The following DGCR8 variants were observed in gnomAD, a reference collection of about 807,000 sequenced individuals.
DGCR8 encodes the protein microprocessor complex subunit DGCR8.
Under a neutral mutation model 78.5 loss-of-function variants are expected in DGCR8, and 14 were observed. That is an observed-to-expected ratio of 0.18 (90% CI 0.12 to 0.28). The LOEUF is 0.28. Among genes scored for constraint, DGCR8 ranks in the 10% least tolerant of loss-of-function variants. The pLI, the probability that DGCR8 is intolerant of heterozygous loss-of-function variation, is 1.00. For synonymous variants in DGCR8, 399 were observed against 402.4 expected (o/e 0.99, Z 0.10); for missense variants, 702 against 1,022.5 (o/e 0.69, Z 4.28).
intron 3 of DGCR8, among the ~76,000 whole-genome samples, chr22:20,088,274 G>A (rs1225938578): frequency 1.3e-5 from 2 of 152,340 alleles, no homozygotes; most frequent in African/African-American, 4.8e-5. Flanking sequence ...AGCTTCTGGG[G>A]CTGGGGGCAG....
At chr22:20,093,902 T>C (rs1367651959) in intron 8 of DGCR8, among the ~76,000 whole-genome samples, 1 of 152,192 alleles carries the variant, frequency 6.6e-6, no homozygotes, top group African/African-American at 2.4e-5. Flanking sequence ...ACAGGTTGAT[T>C]CTCGAGGTAT....
chr22:20,085,318 C>G lies in DGCR8; in HGVS notation c.-277-369C>G, dbSNP rs2049468990. 6.6e-6 allele frequency among the ~76,000 whole-genome samples: 1 copy of G among 152,196 alleles called. No homozygotes were observed. On this transcript the variant is annotated intron_variant, in intron 1 of 13. Transcript: ENST00000351989. The surrounding 1 kb of genome is among the most constrained non-coding windows in gnomAD (Gnocchi z 6.2). ...TGGTGGCCTGAGGGAGGCCACGCGC[C>G]TTCTGTGTGTTCCAGAAAGGGTGCC...
chr22:20,087,007 T>G lies in DGCR8; in HGVS notation c.721-155T>G. 9.9e-7 allele frequency: 1 copy of G among 1,009,362 alleles called. No individual in the cohort carries two copies. The allele number at this position is 1,009,362 out of a possible 1,614,324, so 62.5% of individuals were successfully genotyped here. A position where few individuals can be genotyped will look rare whatever the true frequency, so the allele number is the denominator to read the frequency against. Reference sequence around the variant, plus strand: ...TTGGTGTCAGCTGGTAGCTTCATCCTGTTTGTTTTTCAGATGATCATGCAC... The same window carrying G: ...TTGGTGTCAGCTGGTAGCTTCATCCGGTTTGTTTTTCAGATGATCATGCAC... On this transcript the variant is annotated intron_variant, in intron 2 of 13. Transcript: ENST00000351989. This position sits in a 1 kb window ranked among gnomAD's most constrained non-coding sequence, Gnocchi z 4.1.
At chr22:20,083,291 G>C (rs534536016) in intron 1 of DGCR8, among the ~76,000 whole-genome samples, 13 of 151,488 alleles carry the variant, frequency 8.6e-5, no homozygotes, top group Admixed American at 7.3e-4. Context: ...AGTTGTTAGC[G>C]GTCCATCTCC....
chr22:20,094,224 A>T (rs2049600450), intron 8 of DGCR8, among the ~76,000 whole-genome samples: 1 of 152,148 alleles, frequency 6.6e-6, no homozygotes, highest in African/African-American at 2.4e-5. Context: ...GCCCTTGGCT[A>T]TGGCAACTCC....
At chr22:20,099,874 GTCC>G (rs1419264791) in intron 9 of DGCR8, among the ~76,000 whole-genome samples, 1 of 152,174 alleles carries the variant, frequency 6.6e-6, no homozygotes, top group Non-Finnish European at 1.5e-5. Flanking sequence ...GCTTCAAGCA[GTCC>G]TCCTGCCTCA....
intron 8 of DGCR8, among the ~76,000 whole-genome samples, chr22:20,093,848 C>T (rs2147925756): frequency 6.6e-6 from 1 of 152,336 alleles, no homozygotes; most frequent in Non-Finnish European, 1.5e-5. Context: ...GGTTAGTTGG[C>T]TTCTTGTAGG....
chr22:20,103,645 G>C (rs1248088746), intron 9 of DGCR8, among the ~76,000 whole-genome samples: 1 of 152,182 alleles, frequency 6.6e-6, no homozygotes, highest in Admixed American at 6.5e-5. Context: ...TAAGGTCATG[G>C]TACGGGTAGT....
intron 12 of DGCR8, 131 bp from the exon 13 acceptor site, chr22:20,108,759 C>A: frequency 1.5e-6 from 1 of 683,714 alleles, no homozygotes; most frequent in Admixed American, 1.9e-5. Context: ...TGCCACAGCT[C>A]CTGGCTGTTT....
chr22:20,093,992 G>T lies in DGCR8; in HGVS notation c.1706-721G>T, dbSNP rs546016626. ...AAGAGACTTTTGCAGCTCAACAAAGGGGGTGTGGTGGAGGTTTTGACAGAT... is the reference window on the plus strand; with the variant it reads ...AAGAGACTTTTGCAGCTCAACAAAGTGGGTGTGGTGGAGGTTTTGACAGAT... On this transcript the variant is annotated intron_variant, in intron 8 of 13. Transcript: ENST00000351989. 5.0e-4 allele frequency among the ~76,000 whole-genome samples: 76 copies of T among 152,300 alleles called. 1 individual carries two copies. The highest frequency in any genetic ancestry group is 2.1e-3 in the Admixed American group (32 of 15,304).
intron 10 of DGCR8, 132 bp from the exon 11 acceptor site, chr22:20,106,460 C>T (rs2049771068): frequency 1.2e-6 from 1 of 828,340 alleles, no homozygotes; most frequent in Non-Finnish European, 2.0e-6. Flanking sequence ...GTGGAGAATT[C>T]CCTCCTCTGG....
At chr22:20,101,687 G>C in intron 9 of DGCR8, 3 of 985,406 alleles carry the variant, frequency 3.0e-6, no homozygotes, top group Non-Finnish European at 3.6e-6. Flanking sequence ...GTTTAGACAG[G>C]GGTGGCCATC....
Position 20,080,380 on chromosome 22 carries a change from T to G in DGCR8, c.-281T>G. 1 of 954,588 alleles carries G rather than the reference T, an allele frequency of 1.0e-6. No individual in the cohort carries two copies. Among genetic ancestry groups the G allele is most frequent in the Non-Finnish European group, 1.2e-6 (1 of 818,328 alleles). 59.1% of individuals were successfully genotyped at this position (954,588 alleles called of 1,614,324 possible). A position where few individuals can be genotyped will look rare whatever the true frequency, so the allele number is the denominator to read the frequency against. On this transcript the variant is annotated 5_prime_UTR_variant, in exon 1 of 14. Transcript: ENST00000351989. The stretch of plus-strand genomic sequence containing the variant: ...GCGGCTTGGGCAGCCCGCGGGCGCC[T>G]CAGGTAGGTGCGGGGCGCGAGGGGC...
intron 11 of DGCR8, 160 bp from the exon 12 acceptor site, chr22:20,107,111 A>T: frequency 1.4e-6 from 1 of 735,520 alleles, no homozygotes. Context: ...GTACTGTGAG[A>T]CTCAGGTGCC....
chr22:20,086,505 A>G lies in DGCR8; in HGVS notation c.542A>G (p.Lys181Arg). ...GGCATAGGGGGTGAGAGTGCTGATA[A>G]GAAGGATGAGGAGAATGAGCTGGAT... ...GVGIGGESAD[K>R]KDEENELDQE... The change falls in exon 2 of 14, where the codon AAG becomes AGG. Residue 181 changes from lysine (K) to arginine (R), a missense_variant. Around this residue, in one of 4 missense-constraint regions of DGCR8, gnomAD observed 356 missense variants for 448.9 expected, o/e 0.79. Transcript: ENST00000351989. This position sits in a 1 kb window ranked among gnomAD's most constrained non-coding sequence, Gnocchi z 6.4. 1 of 1,614,080 alleles carries G rather than the reference A, an allele frequency of 6.2e-7. No homozygotes were observed. The highest frequency in any genetic ancestry group is 1.3e-5 in the African/African-American group (1 of 75,032).
Position 20,086,763 on chromosome 22 carries a change from C to G in DGCR8, c.720+80C>G. The G allele has an allele frequency of 7.3e-7, 1 of 1,361,232 alleles. No homozygotes were observed. The highest frequency in any genetic ancestry group is 9.8e-7 in the Non-Finnish European group (1 of 1,024,616). 84.3% of individuals were successfully genotyped at this position (1,361,232 alleles called of 1,614,324 possible). On this transcript the variant is annotated intron_variant, in intron 2 of 13. Transcript: ENST00000351989. The surrounding 1 kb of genome is among the most constrained non-coding windows in gnomAD (Gnocchi z 6.4). Reference sequence around the variant, plus strand: ...TGGGAATTGCAGCATCTTTTGAAAGCAGGGAAATTAAAAAAAAAAAAAACA... The same window carrying G: ...TGGGAATTGCAGCATCTTTTGAAAGGAGGGAAATTAAAAAAAAAAAAAACA...
In DGCR8 at chr22:20,101,332, T is replaced by C. The variant is rs1260772753; in HGVS notation, c.1789-4845T>C. On this transcript the variant is annotated intron_variant, in intron 9 of 13. Transcript: ENST00000351989. ...TGGCTCACGCCTGTAATCCCAGCAC[T>C]TTGGGAGGCCGAGGCGGGCAGATTA... is the stretch of plus-strand genomic sequence containing the variant. The C allele has an allele frequency of 4.2e-6, 4 of 962,870 alleles. No individual in the cohort carries two copies. In the African/African-American group the frequency reaches 7.1e-5, roughly 17 times the overall value. 59.6% of individuals were successfully genotyped at this position (962,870 alleles called of 1,614,324 possible). A position where few individuals can be genotyped will look rare whatever the true frequency, so the allele number is the denominator to read the frequency against.
chr22:20,096,037 C>G (rs1353236871), intron 9 of DGCR8, among the ~76,000 whole-genome samples: 1 of 152,174 alleles, frequency 6.6e-6, no homozygotes, highest in Non-Finnish European at 1.5e-5. Flanking sequence ...ACAGATTAAG[C>G]TTCACTTGCT....
chr22:20,080,616 C>T (rs2049407187), intron 1 of DGCR8: 3 of 452,524 alleles, frequency 6.6e-6, no homozygotes, highest in Non-Finnish European at 8.8e-6. Context: ...ACTCTCGTCG[C>T]TGTCCGCCCG....
Sources: gnomAD v4.1 joint callset for allele counts (sites outside exome capture counted in the v4.1 genomes callset) on GRCh38, gnomAD v4.1.1 for gene constraint, gnomAD v4.1.1 regional missense constraint, Gnocchi (gnomAD v3.1) non-coding constraint, MANE v1.5 for transcripts, NCBI Gene and HGNC (gene_info 2026-07-23, HGNC 2026-07-21) for gene names.